Variants in ZNF512 observed in about 807,000 individuals in gnomAD.
The protein encoded by ZNF512 is zinc finger protein 512.
ZNF512 carries 25 observed loss-of-function variants against 77.5 expected under a neutral mutation model. The observed-to-expected ratio is 0.32, with a 90% CI of 0.23 to 0.45. The LOEUF is 0.45. ZNF512 is among the 20% of genes least tolerant of loss of function. The pLI is 1.00. For missense variants in ZNF512, 483 were observed against 692.6 expected, an observed-to-expected ratio of 0.70 and a Z score of 3.40; for synonymous variants, 246 against 239.9, an observed-to-expected ratio of 1.03 and a Z score of -0.24.
chr2:27,619,016 G>A (rs1673012341), intron 13 of ZNF512, among the ~76,000 whole-genome samples: 1 of 152,202 alleles, frequency 6.6e-6, no homozygotes, highest in South Asian at 2.1e-4. Context: ...ACTGGCATAA[G>A]CTTTCAGAAT....
chr2:27,583,376 T>A (rs1395730343), intron 1 of ZNF512: 1 of 1,370,008 alleles, frequency 7.3e-7, no homozygotes, highest in African/African-American at 1.5e-5. Flanking sequence ...TCCTTTTACA[T>A]CCCCAATGTC....
At chr2:27,614,869 A>G (rs1460065974) in intron 10 of ZNF512, among the ~76,000 whole-genome samples, 2 of 151,498 alleles carry the variant, frequency 1.3e-5, no homozygotes, top group Admixed American at 1.3e-4. Context: ...TTTCTTTTTT[A>G]ACACATATTT....
intron 5 of ZNF512, among the ~76,000 whole-genome samples, chr2:27,600,355 A>G (rs1414099187): frequency 1.3e-5 from 2 of 152,266 alleles, no homozygotes; most frequent in African/African-American, 4.8e-5. Flanking sequence ...TCTCAGGCAC[A>G]TAAGAATCAC....
chr2:27,588,247 T>TG (rs1287438211), intron 2 of ZNF512, among the ~76,000 whole-genome samples: 1 of 152,070 alleles, frequency 6.6e-6, no homozygotes, highest in Non-Finnish European at 1.5e-5. Context: ...AAGAAACCTT[T>TG]GCCTCCCTGG....
In ZNF512 at chr2:27,583,519, C is replaced by T. The variant is rs940086038; in HGVS notation, c.31-139C>T. On this transcript the variant is annotated intron_variant, in intron 1 of 13. Coordinates refer to ENST00000355467, the MANE Select transcript of ZNF512 (RefSeq NM_032434.4). ...CTGGAAGATAGGACAGCATATTTTT[C>T]CTAAAAGGTGTTGCCTTCTTGTGTT... The T allele has an allele frequency of 2.0e-6, 3 of 1,505,754 alleles. No homozygotes were observed. In the African/African-American group the frequency reaches 4.3e-5, roughly 21 times the overall value. The allele number at this position is 1,505,754 out of a possible 1,614,324, so 93.3% of individuals were successfully genotyped here. A position where few individuals can be genotyped will look rare whatever the true frequency, so the allele number is the denominator to read the frequency against.
intron 5 of ZNF512, among the ~76,000 whole-genome samples, chr2:27,600,482 T>A (rs574611396): frequency 1.3e-5 from 2 of 152,344 alleles, no homozygotes; most frequent in South Asian, 4.1e-4. Context: ...GTGGTTTTTA[T>A]CATGGCGAAA....
rs992435352 is a variant in ZNF512 at position 27,622,893 on chromosome 2, G to T, written c.*1432G>T. 6.5e-6 allele frequency: 1 copy of T among 152,764 alleles called. No homozygotes were observed. The highest frequency in any genetic ancestry group is 6.5e-5 in the Admixed American group (1 of 15,278). 9.5% of individuals were successfully genotyped at this position (152,764 alleles called of 1,614,324 possible). ...CAAGGGAGCACTGAAACCTGAATTG[G>T]ATACTGCCAGAATAGGTAGTTTTGA... is the stretch of plus-strand genomic sequence containing the variant. On this transcript the variant is annotated 3_prime_UTR_variant, in exon 14 of 14. Coordinates refer to ENST00000355467, the MANE Select transcript of ZNF512 (RefSeq NM_032434.4).
chr2:27,591,238 G>A (rs1313856569), intron 2 of ZNF512, among the ~76,000 whole-genome samples: 2 of 151,790 alleles, frequency 1.3e-5, no homozygotes, highest in Non-Finnish European at 2.9e-5. Context: ...ATTTTTGTGG[G>A]TACATAGTAA....
chr2:27,609,720 T>A (rs901177950), intron 10 of ZNF512, among the ~76,000 whole-genome samples: 1 of 152,004 alleles, frequency 6.6e-6, no homozygotes, highest in South Asian at 2.1e-4. Context: ...AATACAAAAA[T>A]TAGCTGGACG....
At chr2:27,583,395 C>T (rs1671198631) in intron 1 of ZNF512, 2 of 1,412,224 alleles carry the variant, frequency 1.4e-6, no homozygotes, top group African/African-American at 2.9e-5. Context: ...TCTCTCATAT[C>T]CGTTGTCTTT....
chr2:27,621,029 C>A, intron 13 of ZNF512, 124 bp from the exon 14 acceptor site: 1 of 1,037,372 alleles, frequency 9.6e-7, no homozygotes. Flanking sequence ...AGGTATGGTT[C>A]CATATCTGTT....
In ZNF512 at chr2:27,622,261, A is replaced by G. The variant is rs1468067881; in HGVS notation, c.*800A>G. On this transcript the variant is annotated 3_prime_UTR_variant, in exon 14 of 14. Transcript: ENST00000355467. The stretch of plus-strand genomic sequence containing the variant: ...TATGATCACTTGCCCTCTGAAGCTT[A>G]TTTTTGCTTCTTTGGTTTTAAGAAT... 1 of 152,448 alleles carries G rather than the reference A, an allele frequency of 6.6e-6. No individual in the cohort carries two copies. The highest frequency in any genetic ancestry group is 2.4e-5 in the African/African-American group (1 of 41,426). 9.4% of individuals were successfully genotyped at this position (152,448 alleles called of 1,614,324 possible).
In ZNF512 at chr2:27,621,648, G is replaced by C; in HGVS notation, c.*187G>C. 1 of 632,196 alleles carries C rather than the reference G, an allele frequency of 1.6e-6. No individual in the cohort carries two copies. Among genetic ancestry groups the C allele is most frequent in the African/African-American group, 1.8e-5 (1 of 54,588 alleles). The allele number at this position is 632,196 out of a possible 1,614,324, so 39.2% of individuals were successfully genotyped here. On this transcript the variant is annotated 3_prime_UTR_variant, in exon 14 of 14. Transcript: ENST00000355467. ...ATTTTGATTCCCCCCTCCCCTTTTA[G>C]TAGGTTTTCCTGCTATTCCTCGTCA...
Position 27,583,093 on chromosome 2 carries a change from T to A in ZNF512, c.-20T>A. ...TGGCCGGAGCCCTTGGGTGAAATTGTTAGGCGTGGAGAGGGAGTGATGTCT... is the reference window on the plus strand; with the variant it reads ...TGGCCGGAGCCCTTGGGTGAAATTGATAGGCGTGGAGAGGGAGTGATGTCT... On this transcript the variant is annotated 5_prime_UTR_variant, in exon 1 of 14. Coordinates refer to ENST00000355467, the MANE Select transcript of ZNF512 (RefSeq NM_032434.4). 1 of 1,614,114 alleles carries A rather than the reference T, an allele frequency of 6.2e-7. No homozygotes were observed. Among genetic ancestry groups the A allele is most frequent in the Non-Finnish European group, 8.5e-7 (1 of 1,180,004 alleles).
At chr2:27,596,017 T>G (rs1558467401) in intron 2 of ZNF512, among the ~76,000 whole-genome samples, 1 of 151,556 alleles carries the variant, frequency 6.6e-6, no homozygotes, top group Admixed American at 6.6e-5. Context: ...TTGGGTCCTA[T>G]TATAATTCTT....
intron 2 of ZNF512, among the ~76,000 whole-genome samples, chr2:27,592,720 T>C (rs566336523): frequency 2.7e-4 from 36 of 135,754 alleles, no homozygotes; most frequent in African/African-American, 9.4e-4. Context: ...GTTTCGCTCT[T>C]GTTGCCCAGG....
In ZNF512 at chr2:27,621,686, T is replaced by C. The variant is rs2148052128; in HGVS notation, c.*225T>C. 2.1e-6 allele frequency: 1 copy of C among 476,798 alleles called. No individual in the cohort carries two copies. Among genetic ancestry groups the C allele is most frequent in the East Asian group, 3.9e-5 (1 of 25,348 alleles). The allele number at this position is 476,798 out of a possible 1,614,324, so 29.5% of individuals were successfully genotyped here. ...CTATTCCTCGTCAAGTCCTCTTGTT[T>C]TTTTATCTTGCCCAAAGAGCTCCCT... On this transcript the variant is annotated 3_prime_UTR_variant, in exon 14 of 14. Transcript: ENST00000355467.
At chr2:27,615,742 C>G (rs1672855178) in intron 11 of ZNF512, among the ~76,000 whole-genome samples, 1 of 152,148 alleles carries the variant, frequency 6.6e-6, no homozygotes, top group South Asian at 2.1e-4. Flanking sequence ...GGGACTAACC[C>G]AGATTCACAG....
chr2:27,610,534 A>ATGTG (rs1553353326), intron 10 of ZNF512, among the ~76,000 whole-genome samples: 3 of 80,712 alleles, frequency 3.7e-5, no homozygotes, highest in African/African-American at 6.7e-5. Context: ...GTGTGTATAT[A>ATGTG]TATGTGTGTG....
Sources: gnomAD v4.1 joint callset for allele counts (sites outside exome capture counted in the v4.1 genomes callset) on GRCh38, gnomAD v4.1.1 for gene constraint, MANE v1.5 for transcripts, NCBI Gene and HGNC (gene_info 2026-07-23, HGNC 2026-07-21) for gene names.